Variants in LRBA observed in about 807,000 individuals in gnomAD.
LRBA encodes the protein LPS responsive beige-like anchor protein.
A neutral mutation model predicts 330.0 loss-of-function variants in LRBA; 176 were observed. The ratio of observed to expected loss-of-function variants is 0.53; its 90% CI spans 0.47 to 0.60. The LOEUF (loss-of-function observed/expected upper bound fraction) is 0.60, where lower values mean the gene tolerates loss of function less well. LRBA is among the 20% of genes least tolerant of loss of function. The pLI is 0.00. For missense variants in LRBA, 3,259 were observed against 3,444.8 expected (o/e 0.95, Z 1.35); for synonymous variants, 1,230 against 1,193.0 (o/e 1.03, Z -0.64).
chr4:150,691,824 T>A (rs1784166542), intron 36 of LRBA, among the ~76,000 whole-genome samples: 1 of 152,110 alleles, frequency 6.6e-6, no homozygotes, highest in Non-Finnish European at 1.5e-5. Context: ...GCTGAATGGA[T>A]AAACAAAATA....
In LRBA at chr4:150,828,428, T is replaced by G; in HGVS notation, c.4923A>C (p.Leu1641=). The change falls in exon 30 of 57, where the codon CTA becomes CTC. Residue 1641 remains leucine, a synonymous_variant. Coordinates refer to ENST00000651943, the MANE Select transcript of LRBA (RefSeq NM_001364905.1). ...SAGPDAISEV[L]STLSLEVNKS... is the part of the protein sequence containing the mutation. ...TATTGACTTCTAAAGAAAGAGTAGA[T>G]AGCACCTCGCTGATTGCATCTGGGC... 1 of 1,614,186 alleles carries G rather than the reference T, an allele frequency of 6.2e-7. No individual in the cohort carries two copies.
intron 44 of LRBA, among the ~76,000 whole-genome samples, chr4:150,459,803 T>G (rs1386763105): frequency 6.6e-6 from 1 of 151,930 alleles, no homozygotes; most frequent in Non-Finnish European, 1.5e-5. Flanking sequence ...ATTAAACTAT[T>G]TTAACATATT....
At chr4:150,561,793 C>G (rs1768376262) in intron 40 of LRBA, among the ~76,000 whole-genome samples, 1 of 152,024 alleles carries the variant, frequency 6.6e-6, no homozygotes, top group South Asian at 2.1e-4. Context: ...ATTTTCTTTT[C>G]TCTTACAAAA....
intron 35 of LRBA, among the ~76,000 whole-genome samples, chr4:150,756,045 C>CA (rs70941436): frequency 0.3 from 37,772 of 127,654 alleles, 6,244 homozygotes; most frequent in Middle Eastern, 0.41. Context: ...GACCCTATCT[C>CA]AAAAAAAAAA....
chr4:150,647,277 A>C (rs1268845560), intron 37 of LRBA, among the ~76,000 whole-genome samples: 1 of 151,700 alleles, frequency 6.6e-6, no homozygotes, highest in Non-Finnish European at 1.5e-5. Context: ...AAGCTAAAGT[A>C]GGAAAATGCT....
chr4:150,322,430 G>C (rs1158213987), intron 49 of LRBA, among the ~76,000 whole-genome samples: 1 of 152,132 alleles, frequency 6.6e-6, no homozygotes, highest in East Asian at 1.9e-4. Flanking sequence ...TCTAATAGCT[G>C]ATTAGTATCA....
At chr4:150,783,607 C>A (rs565578909) in intron 34 of LRBA, among the ~76,000 whole-genome samples, 1 of 152,222 alleles carries the variant, frequency 6.6e-6, no homozygotes, top group South Asian at 2.1e-4. Flanking sequence ...ATAATTACTA[C>A]CAAAAAGAAT....
intron 47 of LRBA, among the ~76,000 whole-genome samples, chr4:150,389,222 T>TGA (rs773061427): frequency 6.6e-6 from 1 of 152,052 alleles, no homozygotes. Flanking sequence ...CCAGGTGTGG[T>TGA]GACACGTGCC....
chr4:150,741,567 A>G (rs1236184875), intron 35 of LRBA, among the ~76,000 whole-genome samples: 1 of 152,170 alleles, frequency 6.6e-6, no homozygotes, highest in African/African-American at 2.4e-5. Context: ...ATTAATAAAA[A>G]TGTTCATGGC....
intron 34 of LRBA, among the ~76,000 whole-genome samples, chr4:150,795,110 G>T (rs1019888733): frequency 6.6e-6 from 1 of 152,104 alleles, no homozygotes; most frequent in Non-Finnish European, 1.5e-5. Context: ...TTATTGGAAT[G>T]TATGTCAGAC....
At chr4:150,447,913 C>A (rs1752813183) in intron 44 of LRBA, among the ~76,000 whole-genome samples, 1 of 152,160 alleles carries the variant, frequency 6.6e-6, no homozygotes, top group African/African-American at 2.4e-5. Flanking sequence ...TTTGACATTA[C>A]TTAAGAAGCT....
At position 150,849,448 on chromosome 4, in the gene LRBA, A is replaced by G; in HGVS notation, c.4132T>C (p.Leu1378=). 6.2e-7 allele frequency: 1 copy of G among 1,614,044 alleles called. No homozygotes were observed. Residue 1378 remains leucine (L), a synonymous_variant, in exon 25 of 57, where the codon TTG becomes CTG. Transcript: ENST00000651943. ...GTAGCCGATGTAGCAGCTGAAAGCA[A>G]TGGCAGTATACCCCCACAAGCCATG... is the stretch of plus-strand genomic sequence containing the variant. The part of the protein sequence containing the change: ...MVMACGGILP[L]LSAATSATHE...
chr4:150,911,033 T>C (rs1236005348), intron 9 of LRBA, among the ~76,000 whole-genome samples: 2 of 152,194 alleles, frequency 1.3e-5, no homozygotes, highest in East Asian at 1.9e-4. Context: ...TTTGTGTGTA[T>C]TGATTTTGTG....
chr4:150,316,324 T>C (rs1250425425), intron 50 of LRBA, among the ~76,000 whole-genome samples: 1 of 152,074 alleles, frequency 6.6e-6, no homozygotes, highest in African/African-American at 2.4e-5. Flanking sequence ...TTTGTTCAAT[T>C]CTCAAAATGG....
chr4:150,923,778 G>T (rs1212118), intron 4 of LRBA, among the ~76,000 whole-genome samples: 146,097 of 152,266 alleles, frequency 0.96, 70,368 homozygotes, highest in Non-Finnish European at 1. Flanking sequence ...TGTTAAAAAT[G>T]TAAAAGTTCA....
chr4:150,496,980 A>G (rs771434845), intron 40 of LRBA, among the ~76,000 whole-genome samples: 1 of 152,118 alleles, frequency 6.6e-6, no homozygotes, highest in Non-Finnish European at 1.5e-5. Context: ...ACATAGTCAC[A>G]GGTTAACACT....
intron 40 of LRBA, among the ~76,000 whole-genome samples, chr4:150,513,444 T>C (rs1168005929): frequency 6.6e-6 from 1 of 152,200 alleles, no homozygotes; most frequent in Non-Finnish European, 1.5e-5. Context: ...TTAACTGGGA[T>C]GTAAACTCAC....
At chr4:150,343,749 CCT>C (rs1284571875) in intron 48 of LRBA, among the ~76,000 whole-genome samples, 2 of 152,124 alleles carry the variant, frequency 1.3e-5, no homozygotes, top group African/African-American at 4.8e-5. Context: ...CACACACATC[CCT>C]CTCTGTTCAA....
chr4:150,439,502 G>C (rs1751540984), intron 44 of LRBA, among the ~76,000 whole-genome samples: 1 of 151,188 alleles, frequency 6.6e-6, no homozygotes, highest in Non-Finnish European at 1.5e-5. Context: ...ATAAAAGAAA[G>C]TTAAAAAAAA....
Sources: allele counts gnomAD v4.1 joint callset (sites outside exome capture counted in the v4.1 genomes callset), GRCh38; gene constraint gnomAD v4.1.1; transcripts MANE v1.5; gene names NCBI Gene and HGNC (gene_info 2026-07-23, HGNC 2026-07-21).